ZMYM2: variants seen among roughly 807,000 people sequenced by gnomAD.
The protein encoded by ZMYM2 is zinc finger MYM-type containing 2, also known as zinc finger MYM-type protein 2.
A neutral mutation model predicts 162.8 loss-of-function variants in ZMYM2; 56 were observed. The observed-to-expected ratio is 0.34, with a 90% confidence interval of 0.28 to 0.43. The LOEUF (loss-of-function observed/expected upper bound fraction) is 0.43, where lower values mean the gene tolerates loss of function less well. Among genes scored for constraint, ZMYM2 ranks in the 20% least tolerant of loss-of-function variants. ZMYM2 has a pLI of 1.00. For synonymous variants in ZMYM2, 510 were observed against 541.6 expected, an observed-to-expected ratio of 0.94 and a Z score of 0.81; for missense variants, 1,275 against 1,621.8, an observed-to-expected ratio of 0.79 and a Z score of 3.67.
At position 20,055,814 on chromosome 13, in the gene ZMYM2, C is replaced by G. The variant is rs546685231; in HGVS notation, c.2494-2761C>G. ...TATGACCAATTTTTTTTTTTTAAAG[C>G]ATACTGAACAGCTTTCAGCTCACAA... On this transcript the variant is annotated intron_variant, in intron 14 of 24. Transcript: ENST00000610343. 3.3e-5 allele frequency among the ~76,000 whole-genome samples: 5 copies of G among 151,496 alleles called. No individual in the cohort carries two copies. The East Asian group carries it at 7.8e-4, about 23-fold the overall frequency.
the ZMYM2 span, among the ~76,000 whole-genome samples, chr13:19,879,527 T>C: frequency 6.6e-6 from 1 of 152,264 alleles, no homozygotes; most frequent in African/African-American, 2.4e-5. Flanking sequence ...GTTATGTCAG[T>C]ACCATACTTC....
chr13:19,892,920 G>A, the ZMYM2 span, among the ~76,000 whole-genome samples: 1 of 150,884 alleles, frequency 6.6e-6, no homozygotes, highest in Non-Finnish European at 1.5e-5. Context: ...TCACCATGTT[G>A]GCCAGGCTGG....
At chr13:20,082,533 C>T (rs1271861041) in intron 22 of ZMYM2, among the ~76,000 whole-genome samples, 1 of 151,998 alleles carries the variant, frequency 6.6e-6, no homozygotes, top group African/African-American at 2.4e-5. Flanking sequence ...GTTTTCTGAC[C>T]ACTGTTTGCT....
upstream of ZMYM2, among the ~76,000 whole-genome samples, chr13:19,954,147 TA>T (rs1209148544): frequency 2.2e-5 from 3 of 137,762 alleles, no homozygotes; most frequent in African/African-American, 7.9e-5. Flanking sequence ...TTTTTTTTTT[TA>T]GACGGAGTCT....
At position 19,958,808 on chromosome 13, in the gene ZMYM2, G is replaced by A. The variant is rs977872188; in HGVS notation, c.-113G>A. 6.6e-6 allele frequency: 1 copy of A among 151,710 alleles called. No individual in the cohort carries two copies. Among genetic ancestry groups the A allele is most frequent in the African/African-American group, 2.4e-5 (1 of 41,212 alleles). 9.4% of individuals were successfully genotyped at this position (151,710 alleles called of 1,614,324 possible). Reference sequence around the variant, plus strand: ...CGAAGGGGGGTGGGCCGGGGGAGGGGAGGTTCGTTCCGCGGAGCCCCAGCC... The same window carrying A: ...CGAAGGGGGGTGGGCCGGGGGAGGGAAGGTTCGTTCCGCGGAGCCCCAGCC... On this transcript the variant is annotated 5_prime_UTR_variant, in exon 1 of 25. Coordinates refer to ENST00000610343, the MANE Select transcript of ZMYM2 (RefSeq NM_197968.4).
chr13:19,965,436 G>A (rs1955658988), intron 2 of ZMYM2, among the ~76,000 whole-genome samples: 1 of 152,190 alleles, frequency 6.6e-6, no homozygotes, highest in Admixed American at 6.5e-5. Flanking sequence ...AGTTGGACTA[G>A]ACAGAGTGTT....
the ZMYM2 span, among the ~76,000 whole-genome samples, chr13:19,927,256 G>A: frequency 1.8e-4 from 28 of 152,132 alleles, no homozygotes; most frequent in African/African-American, 6.3e-4. Flanking sequence ...GACCATTGCC[G>A]ATAACATGCA....
the ZMYM2 span, among the ~76,000 whole-genome samples, chr13:19,945,951 GA>G: frequency 0.36 from 31,534 of 88,636 alleles, 4,017 homozygotes; most frequent in East Asian, 0.47. Context: ...CTCCGTCTCA[GA>G]AAAAAAAAAA....
intron 2 of ZMYM2, among the ~76,000 whole-genome samples, chr13:19,978,895 C>CGA (rs1566201841): frequency 2.0e-5 from 3 of 152,148 alleles, no homozygotes; most frequent in African/African-American, 7.2e-5. Flanking sequence ...TGGAAGAACT[C>CGA]TCTTCAGCAT....
chr13:20,008,532 T>TG (rs1950924358), intron 6 of ZMYM2, among the ~76,000 whole-genome samples: 1 of 152,248 alleles, frequency 6.6e-6, no homozygotes, highest in Admixed American at 6.5e-5. Context: ...AGGCATCCAC[T>TG]GGGAGCCTCA....
At chr13:20,057,554 AAT>A (rs1224517484) in intron 14 of ZMYM2, among the ~76,000 whole-genome samples, 1 of 152,194 alleles carries the variant, frequency 6.6e-6, no homozygotes, top group Admixed American at 6.5e-5. Flanking sequence ...ATTACTGTAC[AAT>A]ATGTGTGGAG....
intron 19 of ZMYM2, among the ~76,000 whole-genome samples, chr13:20,065,121 T>G (rs904018458): frequency 3.3e-5 from 5 of 152,310 alleles, no homozygotes; most frequent in Non-Finnish European, 5.9e-5. Flanking sequence ...GTAATTGTTA[T>G]AATATTCTGT....
intron 10 of ZMYM2, among the ~76,000 whole-genome samples, chr13:20,032,518 G>T (rs1373617241): frequency 2.0e-5 from 3 of 151,582 alleles, no homozygotes; most frequent in African/African-American, 7.3e-5. Context: ...AATTTATTAG[G>T]AGCTGTTGGT....
chr13:20,082,911 A>G lies in ZMYM2; in HGVS notation c.3699A>G (p.Glu1233=), dbSNP rs531267973. Residue 1233 remains glutamate (E), a synonymous_variant, in exon 23 of 25, where the codon GAA becomes GAG. Transcript: ENST00000610343. ...NTKYFGLKTV[E]QHLRLSFGTV... is the part of the protein sequence containing the mutation. ...AGTATTTTGGCCTGAAAACAGTGGA[A>G]CAACACTTAAGACTTTCCTTTGGCA... is the stretch of plus-strand genomic sequence containing the variant. 8 of 1,613,864 alleles carry G rather than the reference A, an allele frequency of 5.0e-6. No homozygotes were observed. The Admixed American group carries it at 1.2e-4, about 24-fold the overall frequency.
chr13:20,064,787 A>G (rs937931085), intron 19 of ZMYM2, among the ~76,000 whole-genome samples: 27 of 143,322 alleles, frequency 1.9e-4, no homozygotes, highest in East Asian at 9.6e-4. Flanking sequence ...AATAGTAGTA[A>G]TAATTTATTT....
intron 2 of ZMYM2, among the ~76,000 whole-genome samples, chr13:19,990,691 A>ATAC (rs1295053933): frequency 6.6e-6 from 1 of 152,186 alleles, no homozygotes; most frequent in East Asian, 1.9e-4. Context: ...AGCAATACAT[A>ATAC]TTAGTCTCTT....
upstream of ZMYM2, chr13:19,958,605 G>C (rs1321150241): frequency 6.6e-6 from 1 of 152,060 alleles, no homozygotes; most frequent in Non-Finnish European, 1.5e-5. Flanking sequence ...GGGCCCTGAA[G>C]GACGGCCGTC....
the ZMYM2 span, among the ~76,000 whole-genome samples, chr13:19,922,467 C>G: frequency 6.6e-6 from 1 of 152,202 alleles, no homozygotes; most frequent in Admixed American, 6.5e-5. Context: ...ATTGCTGTCT[C>G]ATTTTAACGT....
At chr13:20,043,510 G>A (rs892108050) in intron 12 of ZMYM2, among the ~76,000 whole-genome samples, 1 of 152,162 alleles carries the variant, frequency 6.6e-6, no homozygotes, top group Non-Finnish European at 1.5e-5. Context: ...ACTGGTGGTG[G>A]TGGTGGTGGC....
Sources: gnomAD v4.1 joint callset for allele counts (sites outside exome capture counted in the v4.1 genomes callset) on GRCh38, gnomAD v4.1.1 for gene constraint, MANE v1.5 for transcripts, NCBI Gene and HGNC (gene_info 2026-07-23, HGNC 2026-07-21) for gene names.